The following PPP2R2B variants were observed in gnomAD, a reference collection of about 807,000 sequenced individuals.
The protein encoded by PPP2R2B is serine/threonine-protein phosphatase 2A 55 kDa regulatory subunit B beta isoform.
In PPP2R2B, 5 loss-of-function variants were observed where a neutral mutation model predicts 46.0. The ratio of observed to expected loss-of-function variants is 0.11; its 90% CI spans 0.06 to 0.23. The LOEUF (loss-of-function observed/expected upper bound fraction) is 0.23. PPP2R2B is among the 10% of genes least tolerant of loss of function. The probability of loss-of-function intolerance (pLI) is 1.00; values close to 1 mark genes in which losing one functional copy is unlikely to be tolerated. For missense variants in PPP2R2B, 367 were observed against 575.0 expected, an observed-to-expected ratio of 0.64 and a Z score of 3.70; for synonymous variants, 215 against 206.7, an observed-to-expected ratio of 1.04 and a Z score of -0.34.
intron 1 of PPP2R2B, among the ~76,000 whole-genome samples, chr5:147,051,441 G>T (rs1435662302): frequency 6.6e-6 from 1 of 152,166 alleles, no homozygotes; most frequent in Admixed American, 6.5e-5. Context: ...CTTGTGGTTT[G>T]TGTGACTCAT....
chr5:146,907,599 A>G (rs999734381), intron 1 of PPP2R2B, among the ~76,000 whole-genome samples: 1 of 152,260 alleles, frequency 6.6e-6, no homozygotes, highest in South Asian at 2.1e-4. Context: ...CCCATCAGCT[A>G]TAGTGTGGAA....
intron 7 of PPP2R2B, among the ~76,000 whole-genome samples, chr5:146,609,168 C>A (rs1772597800): frequency 6.6e-6 from 1 of 151,932 alleles, no homozygotes; most frequent in African/African-American, 2.4e-5. Flanking sequence ...AGGAGAAAAA[C>A]CCTCAAAAAA....
intron 1 of PPP2R2B, among the ~76,000 whole-genome samples, chr5:146,883,872 G>A (rs1331146595): frequency 1.3e-5 from 2 of 152,182 alleles, no homozygotes; most frequent in Non-Finnish European, 2.9e-5. Flanking sequence ...ATTTTACCAT[G>A]TAAATGTCTC....
At chr5:146,960,359 G>C (rs372920750) in intron 1 of PPP2R2B, among the ~76,000 whole-genome samples, 1 of 151,884 alleles carries the variant, frequency 6.6e-6, no homozygotes, top group African/African-American at 2.4e-5. Flanking sequence ...GCACAATCTC[G>C]GCTCACTGCA....
intron 2 of PPP2R2B, among the ~76,000 whole-genome samples, chr5:146,708,393 GTA>G (rs1227760948): frequency 0.01 from 1,306 of 129,328 alleles, 25 homozygotes; most frequent in African/African-American, 0.038. Flanking sequence ...GTATATCTAT[GTA>G]TGTGTGTGTG....
chr5:146,777,781 A>C (rs924002941), intron 2 of PPP2R2B, among the ~76,000 whole-genome samples: 13 of 152,338 alleles, frequency 8.5e-5, no homozygotes, highest in Admixed American at 8.5e-4. Context: ...ACTGGAACTT[A>C]AACATATTTT....
chr5:146,912,153 T>C (rs1450389876), intron 1 of PPP2R2B, among the ~76,000 whole-genome samples: 1 of 147,406 alleles, frequency 6.8e-6, no homozygotes, highest in African/African-American at 2.5e-5. Flanking sequence ...GCAGAAGAAC[T>C]GCTTGAACCT....
At chr5:146,956,659 ATATATC>A (rs1438842051) in intron 1 of PPP2R2B, among the ~76,000 whole-genome samples, 1 of 152,194 alleles carries the variant, frequency 6.6e-6, no homozygotes, top group Non-Finnish European at 1.5e-5. Flanking sequence ...ATATGTATGT[ATATATC>A]TGTCTTAGCC....
In PPP2R2B at chr5:146,760,128, A is replaced by G. The variant is rs151210081; in HGVS notation, c.71-58986T>C. ...TAGCACAGCATGTAACACACAGTAA[A>G]CACGAATAAATTCAGCTGTTGTGTA... On this transcript the variant is annotated intron_variant, in intron 2 of 9. Coordinates refer to ENST00000394411, the MANE Select transcript of PPP2R2B (RefSeq NM_181675.4). Among the ~76,000 whole-genome samples, 36 of 152,340 alleles carry G rather than the reference A, an allele frequency of 2.4e-4. No individual in the cohort carries two copies. The East Asian group carries it at 5.8e-3, about 24-fold the overall frequency.
At position 146,817,063 on chromosome 5, in the gene PPP2R2B, T is replaced by A. The variant is rs138792517; in HGVS notation, c.70+60939A>T. On this transcript the variant is annotated intron_variant, in intron 2 of 9. Transcript: ENST00000394411. ...GCGTTGCTCTTGAGGGCTACTCCCC[T>A]CCCTGTATGCAGGCAGGTGGCTTTG... 8.0e-3 allele frequency among the ~76,000 whole-genome samples: 1,212 copies of A among 152,284 alleles called. 1 individual carries two copies. Among genetic ancestry groups the A allele is most frequent in the Non-Finnish European group, 0.012 (803 of 68,028 alleles).
intron 2 of PPP2R2B, among the ~76,000 whole-genome samples, chr5:146,865,438 T>C (rs913591479): frequency 1.3e-5 from 2 of 152,144 alleles, no homozygotes; most frequent in Non-Finnish European, 2.9e-5. Flanking sequence ...ACAGTCAAAA[T>C]TTTCATAATG....
intron 6 of PPP2R2B, among the ~76,000 whole-genome samples, chr5:146,649,185 T>C (rs374579350): frequency 1.6e-4 from 24 of 152,216 alleles, no homozygotes; most frequent in African/African-American, 5.5e-4. Context: ...GGCTCATGGA[T>C]AGATGGAGTT....
intron 2 of PPP2R2B, chr5:146,856,549 G>T: frequency 6.2e-7 from 1 of 1,612,816 alleles, no homozygotes; most frequent in Non-Finnish European, 8.5e-7. Context: ...TCATTATTGG[G>T]CCACTATTCT....
intron 2 of PPP2R2B, among the ~76,000 whole-genome samples, chr5:147,071,897 G>C (rs1580884770): frequency 6.6e-6 from 1 of 152,170 alleles, no homozygotes; most frequent in Non-Finnish European, 1.5e-5. Flanking sequence ...TTCTTTTACT[G>C]TTCCAGATAT....
At chr5:146,833,585 C>T (rs1372186703) in intron 2 of PPP2R2B, among the ~76,000 whole-genome samples, 3 of 152,188 alleles carry the variant, frequency 2.0e-5, no homozygotes, top group Non-Finnish European at 4.4e-5. Context: ...AATCTTGACA[C>T]CTCACCTACT....
chr5:146,916,949 T>A (rs1359959109), intron 1 of PPP2R2B, among the ~76,000 whole-genome samples: 1 of 152,168 alleles, frequency 6.6e-6, no homozygotes, highest in South Asian at 2.1e-4. Flanking sequence ...AAATTACTTA[T>A]ACAAATATAA....
At chr5:146,737,730 T>C (rs951890771) in intron 2 of PPP2R2B, among the ~76,000 whole-genome samples, 2 of 152,080 alleles carry the variant, frequency 1.3e-5, no homozygotes, top group African/African-American at 4.8e-5. Context: ...CAGTCAGGTG[T>C]TATATTTATG....
chr5:146,707,463 G>A lies in PPP2R2B; in HGVS notation c.71-6321C>T, dbSNP rs192945571. 8.1e-4 allele frequency: 613 copies of A among 755,184 alleles called. No homozygotes were observed. The African/African-American group carries it at 8.7e-3, about 11-fold the overall frequency. 46.8% of individuals were successfully genotyped at this position (755,184 alleles called of 1,614,324 possible). On this transcript the variant is annotated intron_variant, in intron 2 of 9. Transcript: ENST00000394411. ...CACTGGCCCCACCATAGGCCACCCC[G>A]GAAGCTGCTGCTGCCCACTCAGGAG...
chr5:146,843,396 C>A (rs911640205), intron 2 of PPP2R2B, among the ~76,000 whole-genome samples: 1 of 152,174 alleles, frequency 6.6e-6, no homozygotes, highest in African/African-American at 2.4e-5. Context: ...AACAACTCCA[C>A]CCTCTCTTTA....
Sources: allele counts gnomAD v4.1 joint callset (sites outside exome capture counted in the v4.1 genomes callset), GRCh38; gene constraint gnomAD v4.1.1; transcripts MANE v1.5; gene names NCBI Gene and HGNC (gene_info 2026-07-23, HGNC 2026-07-21).